The following SLC39A11 variants were observed in gnomAD, a reference collection of about 807,000 sequenced individuals.
SLC39A11 encodes solute carrier family 39 member 11, also known as zinc transporter ZIP11.
SLC39A11 carries 33 observed loss-of-function variants against 36.1 expected under a neutral mutation model. The ratio of observed to expected loss-of-function variants is 0.91; its 90% confidence interval spans 0.69 to 1.22. The LOEUF is 1.22. Ranked by LOEUF, SLC39A11 falls within the 50% of genes most tolerant of loss-of-function variation. The probability of loss-of-function intolerance (pLI) is 0.00; values close to 1 mark genes in which losing one functional copy is unlikely to be tolerated. For synonymous variants in SLC39A11, 166 were observed against 170.3 expected (o/e 0.97, Z 0.20); for missense variants, 432 against 430.3 (o/e 1.00, Z -0.03).
At chr17:72,879,138 C>T (rs145310951) in intron 5 of SLC39A11, among the ~76,000 whole-genome samples, 1 of 152,242 alleles carries the variant, frequency 6.6e-6, no homozygotes, top group African/African-American at 2.4e-5. Context: ...CTCCAGGAAC[C>T]TCCAAGTGTT....
intron 4 of SLC39A11, among the ~76,000 whole-genome samples, chr17:73,014,417 G>A (rs1048022641): frequency 6.6e-6 from 1 of 152,154 alleles, no homozygotes; most frequent in Non-Finnish European, 1.5e-5. Flanking sequence ...AGCACTTTGA[G>A]AGGCCCAGGT....
chr17:72,710,661 G>A (rs1040718238), intron 7 of SLC39A11, among the ~76,000 whole-genome samples: 75 of 152,146 alleles, frequency 4.9e-4, no homozygotes, highest in African/African-American at 1.7e-3. Context: ...CTATTTTGTT[G>A]TAGCAGCATG....
intron 6 of SLC39A11, among the ~76,000 whole-genome samples, chr17:72,737,291 A>G (rs945388710): frequency 6.6e-6 from 1 of 151,812 alleles, no homozygotes; most frequent in South Asian, 2.1e-4. Context: ...AAAAAAAATA[A>G]AAATAAATTT....
At chr17:72,690,685 G>A (rs2071988281) in intron 7 of SLC39A11, among the ~76,000 whole-genome samples, 1 of 152,208 alleles carries the variant, frequency 6.6e-6, no homozygotes, top group Admixed American at 6.5e-5. Flanking sequence ...AAATCCTTCA[G>A]TGACATCGGA....
rs2082284659 is a variant in SLC39A11 at position 72,900,149 on chromosome 17, AAAGAAAAGAAAGAAAGAAAGAAAGAAAG to A, written c.430+47575_430+47602del. 4.3e-4 allele frequency among the ~76,000 whole-genome samples: 49 copies of A among 114,080 alleles called. 7 individuals carry two copies. Among genetic ancestry groups the A allele is most frequent in the African/African-American group, 8.7e-4 (23 of 26,326 alleles). The allele number at this position is 114,080 out of a possible 152,430, so 74.8% of individuals were successfully genotyped here. On this transcript the variant is annotated intron_variant, in intron 5 of 9. Coordinates refer to ENST00000255559, the MANE Select transcript of SLC39A11 (RefSeq NM_139177.4). Reference sequence around the variant, plus strand: ...AAGAAAGAAAGAAAGAAAAAGAAAGAAAGAAAAGAAAGAAAGAAAGAAAGAAAGAAAGAAAGAAAGAAAGAAAGAAAGA... The same window carrying A: ...AAGAAAGAAAGAAAGAAAAAGAAAGAAAAGAAAGAAAGAAAGAAAGAAAGA...
Position 72,959,307 on chromosome 17 carries a change from A to ATGTG in SLC39A11, c.307-11433_307-11432insCACA, listed in dbSNP as rs1209512668. ...AATGAGTGGACAAAGAAACTGGTGT[A>ATGTG]TGTATGTGTGTGTGTGTGTATATAT... On this transcript the variant is annotated intron_variant, in intron 4 of 9. Coordinates refer to ENST00000255559, the MANE Select transcript of SLC39A11 (RefSeq NM_139177.4). 3.3e-3 allele frequency among the ~76,000 whole-genome samples: 388 copies of ATGTG among 116,296 alleles called. 13 individuals are homozygous for ATGTG. The highest frequency in any genetic ancestry group is 0.013 in the African/African-American group (362 of 27,244). The allele number at this position is 116,296 out of a possible 152,430, so 76.3% of individuals were successfully genotyped here.
At chr17:73,026,162 AG>A (rs373441388) in intron 4 of SLC39A11, among the ~76,000 whole-genome samples, 5 of 144,860 alleles carry the variant, frequency 3.5e-5, no homozygotes, top group African/African-American at 1.3e-4. Flanking sequence ...AGCAGAGGAG[AG>A]AAGAGAGGAG....
chr17:72,804,888 C>T (rs1479164856), intron 6 of SLC39A11, among the ~76,000 whole-genome samples: 3 of 152,082 alleles, frequency 2.0e-5, no homozygotes, highest in Non-Finnish European at 2.9e-5. Flanking sequence ...GGCGTGGTGG[C>T]GTGCACCTTT....
At chr17:72,805,571 G>A (rs1049390865) in intron 6 of SLC39A11, among the ~76,000 whole-genome samples, 5 of 152,024 alleles carry the variant, frequency 3.3e-5, no homozygotes, top group East Asian at 1.9e-4. Flanking sequence ...GCTCCTTCCC[G>A]CCCTGGATCA....
At chr17:72,805,499 T>A (rs1374115649) in intron 6 of SLC39A11, among the ~76,000 whole-genome samples, 1 of 152,210 alleles carries the variant, frequency 6.6e-6, no homozygotes, top group Non-Finnish European at 1.5e-5. Flanking sequence ...GTGCCCGATC[T>A]TCTGTGGCCA....
intron 5 of SLC39A11, among the ~76,000 whole-genome samples, chr17:72,877,642 G>A (rs1436160211): frequency 2.6e-5 from 4 of 152,088 alleles, no homozygotes; most frequent in Non-Finnish European, 5.9e-5. Flanking sequence ...CAGTGAAAGG[G>A]CTTTCTCTAG....
intron 7 of SLC39A11, among the ~76,000 whole-genome samples, chr17:72,669,532 A>C: frequency 6.6e-6 from 1 of 152,194 alleles, no homozygotes; most frequent in East Asian, 1.9e-4. Flanking sequence ...AAGAATATCC[A>C]GAAGTGATAT....
chr17:72,885,568 A>G (rs1387341192), intron 5 of SLC39A11, among the ~76,000 whole-genome samples: 3 of 152,190 alleles, frequency 2.0e-5, no homozygotes, highest in African/African-American at 7.2e-5. Context: ...GGCACTACTT[A>G]TCAGATCTAC....
chr17:72,832,950 G>A (rs186261090), intron 6 of SLC39A11, among the ~76,000 whole-genome samples: 4 of 152,158 alleles, frequency 2.6e-5, no homozygotes, highest in Admixed American at 6.5e-5. Context: ...AGATGAGATG[G>A]CTCCTTGGTG....
At chr17:72,736,856 C>T (rs762476780) in intron 6 of SLC39A11, 137 bp from the exon 7 acceptor site, 12 of 737,106 alleles carry the variant, frequency 1.6e-5, no homozygotes, top group Non-Finnish European at 2.9e-5. Context: ...AGCTTAAACC[C>T]AGGGAAACTA....
At chr17:72,948,322 C>T (rs1397740493) in intron 4 of SLC39A11, among the ~76,000 whole-genome samples, 1 of 151,730 alleles carries the variant, frequency 6.6e-6, no homozygotes, top group South Asian at 2.1e-4. Context: ...ACACAAAACC[C>T]CACTGCAAGC....
chr17:73,076,374 C>T (rs1355323853), intron 3 of SLC39A11, among the ~76,000 whole-genome samples: 1 of 152,190 alleles, frequency 6.6e-6, no homozygotes, highest in Non-Finnish European at 1.5e-5. Context: ...TTAAAATACA[C>T]ATGTCCTCTG....
intron 6 of SLC39A11, among the ~76,000 whole-genome samples, chr17:72,798,711 T>C (rs1182745615): frequency 6.6e-6 from 1 of 151,868 alleles, no homozygotes; most frequent in South Asian, 2.1e-4. Context: ...AGAACACTAA[T>C]CTCACCAAGG....
intron 6 of SLC39A11, among the ~76,000 whole-genome samples, chr17:72,748,722 T>C (rs2075040811): frequency 6.6e-6 from 1 of 152,224 alleles, no homozygotes; most frequent in African/African-American, 2.4e-5. Flanking sequence ...GATCTCTGTG[T>C]TTCCTCAGAG....
Sources: allele counts gnomAD v4.1 joint callset (sites outside exome capture counted in the v4.1 genomes callset), GRCh38; gene constraint gnomAD v4.1.1; transcripts MANE v1.5; gene names NCBI Gene and HGNC (gene_info 2026-07-23, HGNC 2026-07-21).